The following PKHD1 variants were observed in gnomAD, a reference collection of about 807,000 sequenced individuals.
PKHD1 encodes the protein fibrocystin.
A neutral mutation model predicts 412.0 loss-of-function variants in PKHD1; 291 were observed. The observed-to-expected ratio is 0.71, with a 90% CI of 0.64 to 0.78. The LOEUF (loss-of-function observed/expected upper bound fraction) is 0.78, where lower values mean the gene tolerates loss of function less well. Ranked by LOEUF, PKHD1 falls within the 30% of genes least tolerant of loss-of-function variation. PKHD1 has a pLI of 0.00. For missense variants in PKHD1, 4,825 were observed against 4,950.7 expected (o/e 0.97, Z 0.76); for synonymous variants, 1,777 against 1,821.5 (o/e 0.98, Z 0.62).
chr6:52,017,779 A>G (rs1800777563), intron 33 of PKHD1, 150 bp from the exon 34 acceptor site: 2 of 656,032 alleles, frequency 3.0e-6, no homozygotes, highest in Non-Finnish European at 5.5e-6. Flanking sequence ...GTATATGTGT[A>G]ATGTACACAG....
intron 48 of PKHD1, among the ~76,000 whole-genome samples, chr6:51,864,096 G>A (rs896777115): frequency 2.0e-5 from 3 of 152,122 alleles, no homozygotes; most frequent in Admixed American, 6.5e-5. Context: ...CAGAGAAAAC[G>A]ACCTCTATGC....
intron 60 of PKHD1, among the ~76,000 whole-genome samples, chr6:51,732,481 TG>T (rs959225845): frequency 2.6e-5 from 4 of 152,104 alleles, no homozygotes; most frequent in African/African-American, 9.7e-5. Flanking sequence ...AAAATTAATA[TG>T]GGACTTGAAT....
chr6:51,834,887 C>T (rs1038151680), intron 51 of PKHD1, among the ~76,000 whole-genome samples: 15 of 152,134 alleles, frequency 9.9e-5, no homozygotes, highest in African/African-American at 3.6e-4. Context: ...TTGTATAGCA[C>T]AAGGAACACT....
intron 52 of PKHD1, among the ~76,000 whole-genome samples, chr6:51,828,020 A>G (rs148672664): frequency 6.6e-6 from 1 of 152,278 alleles, no homozygotes; most frequent in East Asian, 1.9e-4. Context: ...TACCTCAAGC[A>G]GTGTATCTGA....
intron 35 of PKHD1, among the ~76,000 whole-genome samples, chr6:52,002,337 A>C (rs79686919): frequency 1.6e-4 from 25 of 152,354 alleles, no homozygotes; most frequent in African/African-American, 6.0e-4. Flanking sequence ...GAATTAGAAG[A>C]GAGGCCCCAG....
In PKHD1 at chr6:51,969,410, AT is replaced by A. The variant is rs200846367; in HGVS notation, c.5752-9385del. ...ACTCTGTGCCCAGACTTTTTAAAAA[AT>A]TTTTTTAATAGATTTAGAGGGTACA... On this transcript the variant is annotated intron_variant, in intron 35 of 66. Transcript: ENST00000371117. 4.9e-3 allele frequency among the ~76,000 whole-genome samples: 739 copies of A among 152,254 alleles called. 8 individuals are homozygous for A. The highest frequency in any genetic ancestry group is 0.017 in the African/African-American group (694 of 41,550).
chr6:51,892,742 CA>C (rs1562549252), intron 43 of PKHD1, among the ~76,000 whole-genome samples: 1 of 152,044 alleles, frequency 6.6e-6, no homozygotes, highest in Non-Finnish European at 1.5e-5. Context: ...CATTTAAAAC[CA>C]TTAGATGAGG....
chr6:51,639,231 G>A (rs561759388), intron 63 of PKHD1, among the ~76,000 whole-genome samples: 2 of 152,068 alleles, frequency 1.3e-5, no homozygotes, highest in East Asian at 1.9e-4. Context: ...TATAAAATAC[G>A]CTATTATCTA....
At chr6:52,037,773 G>T (rs1804179255) in intron 27 of PKHD1, among the ~76,000 whole-genome samples, 1 of 152,184 alleles carries the variant, frequency 6.6e-6, no homozygotes, top group South Asian at 2.1e-4. Flanking sequence ...AGAATCTTTT[G>T]ATATTTATCA....
chr6:51,967,513 A>G (rs898198971), intron 35 of PKHD1, among the ~76,000 whole-genome samples: 1 of 152,212 alleles, frequency 6.6e-6, no homozygotes, highest in Non-Finnish European at 1.5e-5. Context: ...GGGACTGCAA[A>G]CAAAAACATC....
intron 60 of PKHD1, among the ~76,000 whole-genome samples, chr6:51,678,067 T>C (rs768591219): frequency 3.9e-5 from 6 of 152,152 alleles, no homozygotes; most frequent in Non-Finnish European, 8.8e-5. Context: ...GTCCCAATTA[T>C]GATTTTATTA....
In PKHD1 at chr6:51,855,881, T is replaced by A. The variant is rs1171715410; in HGVS notation, c.7911+12A>T. 17 of 1,601,934 alleles carry A rather than the reference T, an allele frequency of 1.1e-5. No individual in the cohort carries two copies. The highest frequency in any genetic ancestry group is 1.2e-5 in the Non-Finnish European group (14 of 1,169,014). On this transcript the variant is annotated intron_variant, in intron 49 of 66. Transcript: ENST00000371117. ...GAATGCAGCATACCAACTAATGGAT[T>A]CCTTGGGTTACCTGCAGAGATCTGT... is the stretch of plus-strand genomic sequence containing the variant.
intron 53 of PKHD1, among the ~76,000 whole-genome samples, chr6:51,782,067 T>C (rs1792116043): frequency 1.3e-5 from 2 of 151,672 alleles, no homozygotes; most frequent in Admixed American, 6.6e-5. Flanking sequence ...TTAATTATTT[T>C]AATAACTAAA....
intron 60 of PKHD1, among the ~76,000 whole-genome samples, chr6:51,700,187 T>C (rs2150696691): frequency 6.6e-6 from 1 of 152,180 alleles, no homozygotes; most frequent in Non-Finnish European, 1.5e-5. Flanking sequence ...AATTAAAATA[T>C]AATACAAATT....
intron 66 of PKHD1, among the ~76,000 whole-genome samples, chr6:51,625,672 T>C (rs529755847): frequency 6.6e-6 from 1 of 152,218 alleles, no homozygotes; most frequent in East Asian, 1.9e-4. Flanking sequence ...GTGGACGGCA[T>C]AATGTAGTTA....
chr6:52,081,124 T>C (rs1811966525), intron 4 of PKHD1, among the ~76,000 whole-genome samples: 1 of 151,282 alleles, frequency 6.6e-6, no homozygotes, highest in Non-Finnish European at 1.5e-5. Context: ...TTTAATAGGA[T>C]CATATTTCTT....
At chr6:51,798,332 C>T (rs1320225197) in intron 52 of PKHD1, among the ~76,000 whole-genome samples, 5 of 151,144 alleles carry the variant, frequency 3.3e-5, no homozygotes, top group African/African-American at 1.2e-4. Context: ...GAACCGAGAT[C>T]ACACCACTGT....
chr6:51,755,866 C>T lies in PKHD1; in HGVS notation c.8643-928G>A, dbSNP rs199518450. Reference sequence around the variant, plus strand: ...CAATAGAGTAGATGCTAGAGACATACGATAAATAAAACATATGTCATTTGT... The same window carrying T: ...CAATAGAGTAGATGCTAGAGACATATGATAAATAAAACATATGTCATTTGT... On this transcript the variant is annotated intron_variant, in intron 55 of 66. Coordinates refer to ENST00000371117, the MANE Select transcript of PKHD1 (RefSeq NM_138694.4). Among the ~76,000 whole-genome samples the T allele has an allele frequency of 2.1e-4, 32 of 151,944 alleles. No homozygotes were observed. The South Asian group carries it at 3.3e-3, about 16-fold the overall frequency.
At chr6:52,067,544 G>A (rs1322112834) in intron 11 of PKHD1, among the ~76,000 whole-genome samples, 1 of 152,190 alleles carries the variant, frequency 6.6e-6, no homozygotes, top group East Asian at 1.9e-4. Context: ...CCTTGGGTCG[G>A]AGAAATTAGA....
Sources: allele counts gnomAD v4.1 joint callset (sites outside exome capture counted in the v4.1 genomes callset), GRCh38; gene constraint gnomAD v4.1.1; transcripts MANE v1.5; gene names NCBI Gene and HGNC (gene_info 2026-07-23, HGNC 2026-07-21).